The following SELPLG variants were observed in gnomAD, a reference collection of about 807,000 sequenced individuals.
SELPLG encodes the protein P-selectin glycoprotein ligand 1.
In SELPLG, 2 loss-of-function variants were observed where a neutral mutation model predicts 1.1. The observed-to-expected ratio is 1.82, with a 90% CI of 0.74 to 5.71. The LOEUF (loss-of-function observed/expected upper bound fraction) is 5.71, where lower values mean the gene tolerates loss of function less well. Among genes scored for constraint, SELPLG ranks in the 30% most tolerant of loss-of-function variants. The pLI is 0.05. For synonymous variants in SELPLG, 230 were observed against 221.2 expected (o/e 1.04, Z -0.35); for missense variants, 478 against 524.7 (o/e 0.91, Z 0.87).
At chr12:108,632,199 C>T (rs1280677592) in intron 1 of SELPLG, 3 of 436,578 alleles carry the variant, frequency 6.9e-6, no homozygotes, top group African/African-American at 6.0e-5. Flanking sequence ...CATCAACCAC[C>T]CAGGGCACGG....
intron 1 of SELPLG, among the ~76,000 whole-genome samples, chr12:108,626,282 A>G (rs1592819687): frequency 1.3e-5 from 2 of 151,862 alleles, no homozygotes; most frequent in East Asian, 3.9e-4. Flanking sequence ...CTACAGGCGC[A>G]CACAACTATG....
intron 1 of SELPLG, among the ~76,000 whole-genome samples, chr12:108,629,945 A>G (rs982038865): frequency 6.6e-6 from 1 of 152,166 alleles, no homozygotes; most frequent in African/African-American, 2.4e-5. Flanking sequence ...CTATCTGGTG[A>G]CCTCATTCCT....
At chr12:108,629,163 G>C (rs1481533693) in intron 1 of SELPLG, among the ~76,000 whole-genome samples, 1 of 152,186 alleles carries the variant, frequency 6.6e-6, no homozygotes, top group East Asian at 1.9e-4. Flanking sequence ...TACCTGTTAT[G>C]ATAAGACCTG....
In SELPLG at chr12:108,622,056, G is replaced by A. The variant is rs1311144492; in HGVS notation, c.*1013C>T. ...GCAGCCCTCCCTTTGGCCCCCCATAGCCTGAACTTTTCCTGGTCACCCAAG... is the reference window on the plus strand; with the variant it reads ...GCAGCCCTCCCTTTGGCCCCCCATAACCTGAACTTTTCCTGGTCACCCAAG... On this transcript the variant is annotated 3_prime_UTR_variant, in exon 2 of 2. Transcript: ENST00000550948. Among the ~76,000 whole-genome samples, 2 of 152,174 alleles carry A rather than the reference G, an allele frequency of 1.3e-5. No individual in the cohort carries two copies. The highest frequency in any genetic ancestry group is 2.9e-5 in the Non-Finnish European group (2 of 68,022).
Position 108,621,922 on chromosome 12 carries a change from G to T in SELPLG, c.*1147C>A, listed in dbSNP as rs921125191. Among the ~76,000 whole-genome samples the T allele has an allele frequency of 2.6e-5, 4 of 152,080 alleles. No homozygotes were observed. The highest frequency in any genetic ancestry group is 9.7e-5 in the African/African-American group (4 of 41,408). ...TTTTTTTTTCTTTAACAGGAGGATA[G>T]ATTGATGTTTAGAGGGATATTGGTC... On this transcript the variant is annotated 3_prime_UTR_variant, in exon 2 of 2. Coordinates refer to ENST00000550948, the MANE Select transcript of SELPLG (RefSeq NM_003006.4).
intron 1 of SELPLG, among the ~76,000 whole-genome samples, chr12:108,626,358 C>A (rs2136764397): frequency 6.6e-6 from 1 of 152,328 alleles, no homozygotes; most frequent in South Asian, 2.1e-4. Context: ...TGGTCTCAAA[C>A]TCCTGACCAC....
intron 1 of SELPLG, among the ~76,000 whole-genome samples, chr12:108,630,411 G>A (rs910338642): frequency 6.6e-6 from 1 of 152,212 alleles, no homozygotes; most frequent in Non-Finnish European, 1.5e-5. Flanking sequence ...TGGTCAGAGC[G>A]GGCAGGATCT....
chr12:108,622,974 G>A lies in SELPLG; in HGVS notation c.*95C>T. On this transcript the variant is annotated 3_prime_UTR_variant, in exon 2 of 2. Coordinates refer to ENST00000550948, the MANE Select transcript of SELPLG (RefSeq NM_003006.4). ...ATCCCCATCCCCAGGGGTCTCCGAG[G>A]AAGCCCAGAGCTGTGGAATGGGGTC... The A allele has an allele frequency of 7.7e-7, 1 of 1,290,614 alleles. No individual in the cohort carries two copies. Among genetic ancestry groups the A allele is most frequent in the Non-Finnish European group, 1.0e-6 (1 of 970,680 alleles). The allele number at this position is 1,290,614 out of a possible 1,614,324, so 79.9% of individuals were successfully genotyped here.
intron 1 of SELPLG, chr12:108,632,180 T>A (rs1335041730): frequency 2.1e-6 from 1 of 484,924 alleles, no homozygotes; most frequent in African/African-American, 2.0e-5. Flanking sequence ...CCAAGCCTGC[T>A]GAGGGAGGCA....
At chr12:108,631,040 C>T (rs2032039741) in intron 1 of SELPLG, among the ~76,000 whole-genome samples, 1 of 152,162 alleles carries the variant, frequency 6.6e-6, no homozygotes, top group African/African-American at 2.4e-5. Flanking sequence ...CCTGGGTCTC[C>T]TGGCATCCCC....
chr12:108,623,486 C>G lies in SELPLG; in HGVS notation c.822G>C (p.Met274Ile). The G allele has an allele frequency of 2.5e-6, 4 of 1,614,256 alleles. No individual in the cohort carries two copies. The highest frequency in any genetic ancestry group is 3.4e-6 in the Non-Finnish European group (4 of 1,180,046). The change falls in exon 2 of 2, where the codon ATG becomes ATC. Residue 274 changes from methionine to isoleucine, a missense_variant. Coordinates refer to ENST00000550948, the MANE Select transcript of SELPLG (RefSeq NM_003006.4). ...ACAGACCTCTTTTGGTAGTAGGTTC[C>G]ATGGACAGGGCCTCTGTGGCACTGG... The part of the protein sequence containing the change: ...TEPSATEALS[M>I]EPTTKRGLFI...
Position 108,623,025 on chromosome 12 carries a change from A to G in SELPLG, c.*44T>C, listed in dbSNP as rs1364465493. On this transcript the variant is annotated 3_prime_UTR_variant, in exon 2 of 2. Coordinates refer to ENST00000550948, the MANE Select transcript of SELPLG (RefSeq NM_003006.4). ...TGGGCACTCAGGGGTGGCCCAGGAG[A>G]GCCCGTGGAGGTGGGGTCTTGCCAA... 2.8e-6 allele frequency: 4 copies of G among 1,452,912 alleles called. No homozygotes were observed. Among genetic ancestry groups the G allele is most frequent in the Non-Finnish European group, 2.7e-6 (3 of 1,100,150 alleles). The allele number at this position is 1,452,912 out of a possible 1,614,324, so 90.0% of individuals were successfully genotyped here. A position where few individuals can be genotyped will look rare whatever the true frequency, so the allele number is the denominator to read the frequency against.
chr12:108,633,160 C>A (rs2032090568), intron 1 of SELPLG, among the ~76,000 whole-genome samples: 1 of 152,132 alleles, frequency 6.6e-6, no homozygotes, highest in Admixed American at 6.5e-5. Flanking sequence ...TTTTCAAAAT[C>A]AGAATGCCGC....
intron 1 of SELPLG, among the ~76,000 whole-genome samples, chr12:108,625,279 G>A (rs1253961704): frequency 6.6e-6 from 1 of 152,066 alleles, no homozygotes; most frequent in Non-Finnish European, 1.5e-5. Flanking sequence ...GCCCTTGCCA[G>A]TCCTCAGAGT....
At chr12:108,631,021 A>C (rs1269674971) in intron 1 of SELPLG, among the ~76,000 whole-genome samples, 1 of 152,120 alleles carries the variant, frequency 6.6e-6, no homozygotes, top group Non-Finnish European at 1.5e-5. Flanking sequence ...TTTGGAGGGC[A>C]GGAGCTCTCC....
rs973935256 is a variant in SELPLG, at chr12:108,622,692, G to A, written c.*377C>T. ...GGGATGGGGGAGCTCCATCTTCCTT[G>A]GGTACATGGGGAGGAGACTCCAGTG... On this transcript the variant is annotated 3_prime_UTR_variant, in exon 2 of 2. Transcript: ENST00000550948. The A allele has an allele frequency of 9.7e-5, 21 of 216,126 alleles. No homozygotes were observed. The highest frequency in any genetic ancestry group is 1.6e-3 in the Middle Eastern group (1 of 612). The allele number at this position is 216,126 out of a possible 1,614,324, so 13.4% of individuals were successfully genotyped here. A position where few individuals can be genotyped will look rare whatever the true frequency, so the allele number is the denominator to read the frequency against.
chr12:108,630,254 C>T (rs1329938215), intron 1 of SELPLG, among the ~76,000 whole-genome samples: 1 of 152,216 alleles, frequency 6.6e-6, no homozygotes, highest in African/African-American at 2.4e-5. Flanking sequence ...ATATGGGCCC[C>T]ATCTAGGCTG....
In SELPLG at chr12:108,623,087, C is replaced by T; in HGVS notation, c.1221G>A (p.Leu407=). Residue 407 remains leucine, a synonymous_variant, in exon 2 of 2, where the codon CTG becomes CTA. Coordinates refer to ENST00000550948, the MANE Select transcript of SELPLG (RefSeq NM_003006.4). ...GAGTGAGCTAAGGGAGGAAGCTGTG[C>T]AGGGTGAGGTCATCCCCCTCACGGT... is the stretch of plus-strand genomic sequence containing the variant. ...REDREGDDLT[L]HSFLP is the part of the protein sequence containing the mutation. 6.6e-7 allele frequency: 1 copy of T among 1,513,268 alleles called. No individual in the cohort carries two copies. The highest frequency in any genetic ancestry group is 8.8e-7 in the Non-Finnish European group (1 of 1,132,674). The allele number at this position is 1,513,268 out of a possible 1,614,324, so 93.7% of individuals were successfully genotyped here. A position where few individuals can be genotyped will look rare whatever the true frequency, so the allele number is the denominator to read the frequency against.
rs2032102934 is a variant in SELPLG, at chr12:108,633,836, A to T, written c.-102T>A. 6.6e-6 allele frequency: 1 copy of T among 152,362 alleles called. No homozygotes were observed. The allele number at this position is 152,362 out of a possible 1,614,324, so 9.4% of individuals were successfully genotyped here. On this transcript the variant is annotated 5_prime_UTR_variant, in exon 1 of 2. Transcript: ENST00000550948. ...AAGGTCCCAGCCCACGCTGCCAGGC[A>T]CTGCTGTGGCACCCCCTGCGGCAGT...
Sources: gnomAD v4.1 joint callset for allele counts (sites outside exome capture counted in the v4.1 genomes callset) on GRCh38, gnomAD v4.1.1 for gene constraint, MANE v1.5 for transcripts, NCBI Gene and HGNC (gene_info 2026-07-23, HGNC 2026-07-21) for gene names.